ANGPT1: variants seen among roughly 807,000 people sequenced by gnomAD.
The protein encoded by ANGPT1 is angiopoietin 1.
In ANGPT1, 17 loss-of-function variants were observed where a neutral mutation model predicts 62.2. The ratio of observed to expected loss-of-function variants is 0.27; its 90% CI spans 0.19 to 0.41. The LOEUF is 0.41. Ranked by LOEUF, ANGPT1 falls within the 10% of genes least tolerant of loss-of-function variation. The probability of loss-of-function intolerance (pLI) is 1.00; values close to 1 mark genes in which losing one functional copy is unlikely to be tolerated. For missense variants in ANGPT1, 478 were observed against 594.9 expected (o/e 0.80, Z 2.04); for synonymous variants, 199 against 198.9 (o/e 1.00, Z 0.00).
At chr8:107,288,792 G>C (rs537144682) in intron 6 of ANGPT1, among the ~76,000 whole-genome samples, 55 of 152,110 alleles carry the variant, frequency 3.6e-4, no homozygotes, top group African/African-American at 1.3e-3. Flanking sequence ...TTACATGTCT[G>C]GGACTGTCCT....
At position 107,475,526 on chromosome 8, in the gene ANGPT1, G is replaced by A. The variant is rs557475756; in HGVS notation, c.297+21736C>T. Among the ~76,000 whole-genome samples, 9 of 152,232 alleles carry A rather than the reference G, an allele frequency of 5.9e-5. No individual in the cohort carries two copies. In the East Asian group the frequency reaches 1.7e-3, roughly 29 times the overall value. ...AATACCATTCAGGACATAGGCATGG[G>A]CAAGGACTTCATGTCTAAAACACCA... On this transcript the variant is annotated intron_variant, in intron 1 of 8. Coordinates refer to ENST00000517746, the MANE Select transcript of ANGPT1 (RefSeq NM_001146.5).
At chr8:107,318,252 G>A (rs1034359083) in intron 4 of ANGPT1, among the ~76,000 whole-genome samples, 5 of 152,202 alleles carry the variant, frequency 3.3e-5, no homozygotes, top group African/African-American at 1.2e-4. Context: ...ATTTGCCTAA[G>A]ACACCATTAT....
intron 1 of ANGPT1, among the ~76,000 whole-genome samples, chr8:107,382,135 A>G (rs1395348999): frequency 6.6e-6 from 1 of 152,190 alleles, no homozygotes; most frequent in Non-Finnish European, 1.5e-5. Context: ...CTTCTGCACC[A>G]ATTTAATATT....
intron 1 of ANGPT1, among the ~76,000 whole-genome samples, chr8:107,396,275 A>G (rs1816931416): frequency 6.6e-6 from 1 of 152,168 alleles, no homozygotes; most frequent in African/African-American, 2.4e-5. Context: ...ATCCTATCCA[A>G]TTAGCCAAAT....
At chr8:107,370,377 AAAG>A (rs1448306438) in intron 1 of ANGPT1, among the ~76,000 whole-genome samples, 3,061 of 53,486 alleles carry the variant, frequency 0.057, 818 homozygotes, top group Admixed American at 0.2. Context: ...AGAAAGAAAG[AAAG>A]AAAGAAAGAA....
At position 107,249,643 on chromosome 8, in the gene ANGPT1, A is replaced by G. The variant is rs1474672139; in HGVS notation, c.*2212T>C. 1 of 152,198 alleles carries G rather than the reference A, an allele frequency of 6.6e-6. No individual in the cohort carries two copies. Among genetic ancestry groups the G allele is most frequent in the Non-Finnish European group, 1.5e-5 (1 of 68,024 alleles). The allele number at this position is 152,198 out of a possible 1,614,324, so 9.4% of individuals were successfully genotyped here. On this transcript the variant is annotated 3_prime_UTR_variant, in exon 9 of 9. Coordinates refer to ENST00000517746, the MANE Select transcript of ANGPT1 (RefSeq NM_001146.5). ...ATACACATGTTAAATTGCCATAAACATGTACGTATTACATAATACACATAA... is the reference window on the plus strand; with the variant it reads ...ATACACATGTTAAATTGCCATAAACGTGTACGTATTACATAATACACATAA...
intron 4 of ANGPT1, among the ~76,000 whole-genome samples, chr8:107,321,688 T>C (rs1012678370): frequency 1.3e-5 from 2 of 152,170 alleles, no homozygotes; most frequent in African/African-American, 2.4e-5. Context: ...AAAGACATTG[T>C]GGATTCACAA....
intron 1 of ANGPT1, among the ~76,000 whole-genome samples, chr8:107,413,757 T>C (rs944896323): frequency 6.6e-6 from 1 of 151,908 alleles, no homozygotes; most frequent in Non-Finnish European, 1.5e-5. Flanking sequence ...TGGAAAAATA[T>C]CAACATGTTA....
chr8:107,275,182 GAA>G (rs1236116748), intron 7 of ANGPT1, among the ~76,000 whole-genome samples: 1 of 152,048 alleles, frequency 6.6e-6, no homozygotes, highest in Admixed American at 6.6e-5. Context: ...TATTGAGTGT[GAA>G]AAAATTGATG....
At chr8:107,352,651 G>C (rs1427905035) in intron 1 of ANGPT1, among the ~76,000 whole-genome samples, 1 of 152,064 alleles carries the variant, frequency 6.6e-6, no homozygotes, top group Non-Finnish European at 1.5e-5. Context: ...ATATCTTAAA[G>C]CACAAATAAT....
intron 3 of ANGPT1, among the ~76,000 whole-genome samples, chr8:107,328,388 G>A (rs1815338557): frequency 6.6e-6 from 1 of 151,656 alleles, no homozygotes; most frequent in Admixed American, 6.6e-5. Flanking sequence ...GATACTATAA[G>A]TAAATATTGG....
At chr8:107,295,508 A>C (rs1255900534) in intron 5 of ANGPT1, 1 of 152,158 alleles carries the variant, frequency 6.6e-6, no homozygotes, top group East Asian at 1.9e-4. Flanking sequence ...AATATGGGTC[A>C]GGTACTCAAA....
intron 1 of ANGPT1, among the ~76,000 whole-genome samples, chr8:107,409,978 CA>C (rs1817232375): frequency 6.6e-6 from 1 of 151,902 alleles, no homozygotes; most frequent in Non-Finnish European, 1.5e-5. Context: ...TCCATCCATC[CA>C]TCCATCCAAC....
chr8:107,251,117 C>T lies in ANGPT1; in HGVS notation c.*738G>A, dbSNP rs566546462. On this transcript the variant is annotated 3_prime_UTR_variant, in exon 9 of 9. Transcript: ENST00000517746. ...GGGGGTGGTAAGTTTTCACCACATA[C>T]ATCCTTACTTGATTATGTTCATTTC... 6.6e-6 allele frequency: 1 copy of T among 152,198 alleles called. No individual in the cohort carries two copies. The highest frequency in any genetic ancestry group is 2.1e-4 in the South Asian group (1 of 4,824). The allele number at this position is 152,198 out of a possible 1,614,324, so 9.4% of individuals were successfully genotyped here.
intron 3 of ANGPT1, among the ~76,000 whole-genome samples, chr8:107,327,227 T>C (rs947287477): frequency 6.6e-6 from 1 of 152,128 alleles, no homozygotes; most frequent in Non-Finnish European, 1.5e-5. Flanking sequence ...ATTATATTGT[T>C]AATATACTGC....
intron 7 of ANGPT1, among the ~76,000 whole-genome samples, chr8:107,279,754 C>G (rs1024599502): frequency 9.3e-6 from 1 of 107,256 alleles, no homozygotes; most frequent in African/African-American, 3.8e-5. Context: ...TGTACACACA[C>G]ACACACACTC....
intron 1 of ANGPT1, among the ~76,000 whole-genome samples, chr8:107,465,934 C>T (rs1201403035): frequency 1.3e-5 from 2 of 152,130 alleles, no homozygotes; most frequent in Non-Finnish European, 2.9e-5. Flanking sequence ...GTTCTAGGAA[C>T]AAGTTCCAGG....
At chr8:107,321,182 T>G (rs1399435174) in intron 4 of ANGPT1, among the ~76,000 whole-genome samples, 1 of 152,000 alleles carries the variant, frequency 6.6e-6, no homozygotes, top group Non-Finnish European at 1.5e-5. Context: ...GATGGATGGA[T>G]AGACAGATGT....
intron 1 of ANGPT1, among the ~76,000 whole-genome samples, chr8:107,396,687 A>T (rs1044715047): frequency 2.0e-5 from 3 of 151,388 alleles, no homozygotes; most frequent in African/African-American, 2.4e-5. Flanking sequence ...TGCCTGGCTA[A>T]TTTTTCTGTA....
Sources: gnomAD v4.1 joint callset for allele counts (sites outside exome capture counted in the v4.1 genomes callset) on GRCh38, gnomAD v4.1.1 for gene constraint, MANE v1.5 for transcripts, NCBI Gene and HGNC (gene_info 2026-07-23, HGNC 2026-07-21) for gene names.